ANKRD17: variants seen among roughly 807,000 people sequenced by gnomAD.
ANKRD17 encodes the protein ankyrin repeat domain-containing protein 17.
A neutral mutation model predicts 229.7 loss-of-function variants in ANKRD17; 19 were observed. That is an observed-to-expected ratio of 0.08 (90% CI 0.06 to 0.12). The LOEUF (loss-of-function observed/expected upper bound fraction) is 0.12. Ranked by LOEUF, ANKRD17 falls within the 10% of genes least tolerant of loss-of-function variation. The pLI, the probability that ANKRD17 is intolerant of heterozygous loss-of-function variation, is 1.00. For missense variants in ANKRD17, 2,176 were observed against 3,176.8 expected (o/e 0.68, Z 7.57); for synonymous variants, 1,112 against 1,146.1 (o/e 0.97, Z 0.60).
At chr4:73,130,192 T>C (rs181970375) in intron 16 of ANKRD17, among the ~76,000 whole-genome samples, 168 of 152,298 alleles carry the variant, frequency 1.1e-3, no homozygotes, top group Non-Finnish European at 1.1e-3. Context: ...TCAGGTTACA[T>C]GTAAGCTTAA....
At chr4:73,141,594 T>C (rs1303327993) in intron 14 of ANKRD17, 147 bp downstream of exon 14, 4 of 678,628 alleles carry the variant, frequency 5.9e-6, no homozygotes, top group Non-Finnish European at 1.0e-5. Flanking sequence ...ACTATTTTTT[T>C]CTCCCAATAA....
chr4:73,090,084 T>C (rs1407243990), intron 29 of ANKRD17, among the ~76,000 whole-genome samples: 1 of 152,150 alleles, frequency 6.6e-6, no homozygotes, highest in East Asian at 1.9e-4. Context: ...AGTACCTTAT[T>C]AAATTAAAAC....
chr4:73,256,571 CCCA>C (rs1422641785), intron 1 of ANKRD17, among the ~76,000 whole-genome samples: 3 of 152,162 alleles, frequency 2.0e-5, no homozygotes, highest in Non-Finnish European at 2.9e-5. Flanking sequence ...TTTGCTACTA[CCCA>C]CCACAACCAC....
intron 2 of ANKRD17, among the ~76,000 whole-genome samples, chr4:73,168,675 C>T (rs1031199648): frequency 6.6e-6 from 1 of 152,198 alleles, no homozygotes; most frequent in African/African-American, 2.4e-5. Context: ...AACCACTGCT[C>T]CTGGGAGAAA....
At chr4:73,103,462 C>T (rs950909717) in intron 24 of ANKRD17, among the ~76,000 whole-genome samples, 2 of 152,060 alleles carry the variant, frequency 1.3e-5, no homozygotes, top group Non-Finnish European at 2.9e-5. Flanking sequence ...AGTCAAAAAA[C>T]TAACTGTAGG....
intron 1 of ANKRD17, 119 bp from the exon 2 acceptor site, chr4:73,177,652 G>A: frequency 1.4e-6 from 1 of 715,396 alleles, no homozygotes; most frequent in Non-Finnish European, 2.3e-6. Context: ...ATTAACAATG[G>A]TAAACACAGT....
chr4:73,226,428 A>G lies in ANKRD17; in HGVS notation c.393+31848T>C, dbSNP rs142030400. Among the ~76,000 whole-genome samples, 1,022 of 107,054 alleles carry G rather than the reference A, an allele frequency of 9.5e-3. 16 individuals are homozygous for G. The highest frequency in any genetic ancestry group is 0.035 in the African/African-American group (962 of 27,340). 70.2% of individuals were successfully genotyped at this position (107,054 alleles called of 152,430 possible). The stretch of plus-strand genomic sequence containing the variant: ...TTTTTTTTTTGAGACGGAGTCTCGC[A>G]CTGTCGCCTGGGGTGGAGTGCAGTG... On this transcript the variant is annotated intron_variant, in intron 1 of 33. Transcript: ENST00000358602.
chr4:73,250,601 A>AAAAC lies in ANKRD17; in HGVS notation c.393+7674_393+7675insGTTT, dbSNP rs1306769919. On this transcript the variant is annotated intron_variant, in intron 1 of 33. Coordinates refer to ENST00000358602, the MANE Select transcript of ANKRD17 (RefSeq NM_032217.5). ...GATGACCTTGTCTCAAAAAAAAAAA[A>AAAAC]AAAAAAAAAAAAAACAGAAAAAAAG... Among the ~76,000 whole-genome samples, 94 of 148,666 alleles carry AAAAC rather than the reference A, an allele frequency of 6.3e-4. 6 individuals are homozygous for AAAAC. The highest frequency in any genetic ancestry group is 3.6e-3 in the South Asian group (17 of 4,690).
At chr4:73,108,090 A>G (rs1304277882) in intron 24 of ANKRD17, among the ~76,000 whole-genome samples, 2 of 152,160 alleles carry the variant, frequency 1.3e-5, no homozygotes, top group African/African-American at 2.4e-5. Context: ...TGACCTCCCC[A>G]GGCTCAGGTG....
chr4:73,147,312 C>T lies in ANKRD17; in HGVS notation c.1688G>A (p.Gly563Glu), dbSNP rs1198742385. 6.2e-7 allele frequency: 1 copy of T among 1,608,882 alleles called. No homozygotes were observed. The highest frequency in any genetic ancestry group is 1.3e-5 in the African/African-American group (1 of 74,624). ...AGCTTCCATTAAAGGGGTAGAACAC[C>T]CTAGTTCTATATCGGCTCCTGCCTT... ...LIKAGADIELGCSTPLMEAAQ... is the reference protein window; with the variant it reads ...LIKAGADIELECSTPLMEAAQ... The change falls in exon 9 of 34, where the codon GGG becomes GAG. Residue 563 changes from glycine (G) to glutamate (E), a missense_variant. Physicochemically the swap from Gly to Glu is moderately conservative, Grantham distance 98 (BLOSUM62 -2). Coordinates refer to ENST00000358602, the MANE Select transcript of ANKRD17 (RefSeq NM_032217.5).
At chr4:73,182,760 G>A (rs1578306435) in intron 1 of ANKRD17, among the ~76,000 whole-genome samples, 1 of 152,102 alleles carries the variant, frequency 6.6e-6, no homozygotes, top group Non-Finnish European at 1.5e-5. Flanking sequence ...GCAAATACAG[G>A]AATAAGATAA....
intron 27 of ANKRD17, among the ~76,000 whole-genome samples, chr4:73,094,773 TA>T (rs1455676073): frequency 6.6e-6 from 1 of 151,778 alleles, no homozygotes; most frequent in Admixed American, 6.6e-5. Context: ...GTTGGGCATC[TA>T]ATCTAGCCTC....
At chr4:73,157,636 C>T (rs1403189084) in intron 3 of ANKRD17, among the ~76,000 whole-genome samples, 1 of 152,232 alleles carries the variant, frequency 6.6e-6, no homozygotes, top group South Asian at 2.1e-4. Context: ...CAGATAATCA[C>T]TTTTCTATAG....
chr4:73,149,418 T>C (rs977171413), intron 7 of ANKRD17, among the ~76,000 whole-genome samples: 5 of 152,142 alleles, frequency 3.3e-5, no homozygotes, highest in African/African-American at 4.8e-5. Flanking sequence ...AAAGAAGAAT[T>C]TTCATAAGAA....
intron 2 of ANKRD17, among the ~76,000 whole-genome samples, chr4:73,161,585 C>T (rs929879017): frequency 2.6e-5 from 4 of 152,184 alleles, no homozygotes; most frequent in African/African-American, 7.2e-5. Flanking sequence ...GTGCCAGAAA[C>T]GGGTCTTTGG....
intron 1 of ANKRD17, among the ~76,000 whole-genome samples, chr4:73,224,906 A>G (rs1453439121): frequency 6.6e-6 from 1 of 152,206 alleles, no homozygotes; most frequent in African/African-American, 2.4e-5. Flanking sequence ...CGAATAAGGG[A>G]ACCAAGTATC....
At chr4:73,123,260 A>G (rs374528935) in intron 18 of ANKRD17, among the ~76,000 whole-genome samples, 2 of 152,108 alleles carry the variant, frequency 1.3e-5, no homozygotes, top group Non-Finnish European at 1.5e-5. Flanking sequence ...TTGAAAGGCA[A>G]TATGATTGAA....
chr4:73,128,990 G>A (rs1198658110), intron 16 of ANKRD17, among the ~76,000 whole-genome samples: 1 of 152,064 alleles, frequency 6.6e-6, no homozygotes, highest in Non-Finnish European at 1.5e-5. Context: ...TTTGTAGAAG[G>A]CAAAGTACCA....
At chr4:73,240,345 TG>T (rs1743901446) in intron 1 of ANKRD17, among the ~76,000 whole-genome samples, 3 of 151,544 alleles carry the variant, frequency 2.0e-5, no homozygotes, top group Admixed American at 2.0e-4. Flanking sequence ...CTGACTTGGC[TG>T]GGCACATGGG....
Sources: gnomAD v4.1 joint callset for allele counts (sites outside exome capture counted in the v4.1 genomes callset) on GRCh38, gnomAD v4.1.1 for gene constraint, MANE v1.5 for transcripts, NCBI Gene and HGNC (gene_info 2026-07-23, HGNC 2026-07-21) for gene names.